MAPK8: variants seen among roughly 807,000 people sequenced by gnomAD.
MAPK8 encodes mitogen-activated protein kinase 8.
MAPK8 carries 13 observed loss-of-function variants against 52.9 expected under a neutral mutation model. The ratio of observed to expected loss-of-function variants is 0.25; its 90% CI spans 0.16 to 0.39. The LOEUF is 0.39. MAPK8 is among the 10% of genes least tolerant of loss of function. The pLI is 1.00. For synonymous variants in MAPK8, 191 were observed against 169.8 expected (o/e 1.12, Z -0.97); for missense variants, 300 against 519.2 (o/e 0.58, Z 4.10).
At chr10:48,324,582 A>G (rs77545620) in intron 1 of MAPK8, among the ~76,000 whole-genome samples, 1,665 of 141,534 alleles carry the variant, frequency 0.012, 25 homozygotes, top group Admixed American at 0.022. Context: ...TGTTTCCCAT[A>G]TTTTGGATTT....
At chr10:48,343,157 T>A (rs918301993) in intron 1 of MAPK8, among the ~76,000 whole-genome samples, 2 of 152,200 alleles carry the variant, frequency 1.3e-5, no homozygotes, top group Admixed American at 6.5e-5. Context: ...CTCACAGTTC[T>A]AGAGGCCAGA....
rs371014814 is a variant in MAPK8, at chr10:48,367,117, C to T, written c.-49-34495C>T. On this transcript the variant is annotated intron_variant, in intron 1 of 11. Coordinates refer to ENST00000374189, the MANE Select transcript of MAPK8 (RefSeq NM_001323329.2). ...TAGAAGTTTCAGCTGGGTGTAGTAG[C>T]GCAGCACTTTGGGAGGCCAAGGCAG... Among the ~76,000 whole-genome samples the T allele has an allele frequency of 9.2e-5, 14 of 152,160 alleles. No homozygotes were observed. In the East Asian group the frequency reaches 1.9e-3, roughly 21 times the overall value.
chr10:48,379,938 TA>T (rs373050540), intron 1 of MAPK8, among the ~76,000 whole-genome samples: 3,321 of 115,856 alleles, frequency 0.029, 106 homozygotes, highest in African/African-American at 0.1. Flanking sequence ...ACAAAGCTCT[TA>T]AAAAAAAAAA....
chr10:48,404,197 A>G (rs568987265), intron 2 of MAPK8, among the ~76,000 whole-genome samples: 5 of 146,988 alleles, frequency 3.4e-5, no homozygotes, highest in African/African-American at 1.3e-4. Flanking sequence ...GAGGGAGTCT[A>G]CCAGGCTGGA....
rs148676477 is a variant in MAPK8 at position 48,401,971 on chromosome 10, A to G, written c.122+189A>G. The stretch of plus-strand genomic sequence containing the variant: ...CAATGGTCTTTTCTTTATTATTATT[A>G]TTAAAGGTTGAGTATCCCTTATCTG... On this transcript the variant is annotated intron_variant, in intron 2 of 11. Transcript: ENST00000374189. Among the ~76,000 whole-genome samples, 1,183 of 152,308 alleles carry G rather than the reference A, an allele frequency of 7.8e-3. 3 individuals are homozygous for G. Among genetic ancestry groups the G allele is most frequent in the Non-Finnish European group, 9.0e-3 (612 of 68,014 alleles).
chr10:48,376,396 A>G (rs2040663766), intron 1 of MAPK8, among the ~76,000 whole-genome samples: 1 of 152,242 alleles, frequency 6.6e-6, no homozygotes, highest in Non-Finnish European at 1.5e-5. Context: ...ATGGTATCTG[A>G]TTAAAGAGTT....
rs146771241 is a variant in MAPK8, at chr10:48,327,156, G to T, written c.-50+20335G>T. On this transcript the variant is annotated intron_variant, in intron 1 of 11. Coordinates refer to ENST00000374189, the MANE Select transcript of MAPK8 (RefSeq NM_001323329.2). ...CATTTTTGCCTTATTCTTGTTCTTG[G>T]GGGGAAAGTAGTTTTTCACCATTAA... 3.3e-5 allele frequency among the ~76,000 whole-genome samples: 5 copies of T among 151,984 alleles called. No homozygotes were observed. The South Asian group carries it at 6.2e-4, about 19-fold the overall frequency.
intron 1 of MAPK8, among the ~76,000 whole-genome samples, chr10:48,375,116 T>C (rs1050274927): frequency 6.6e-6 from 1 of 152,224 alleles, no homozygotes; most frequent in African/African-American, 2.4e-5. Flanking sequence ...TCCATCATTA[T>C]AAACAGAACC....
chr10:48,415,488 A>T (rs2043014848), intron 5 of MAPK8, among the ~76,000 whole-genome samples: 1 of 152,226 alleles, frequency 6.6e-6, no homozygotes, highest in Non-Finnish European at 1.5e-5. Context: ...TAATCGGATT[A>T]GTTCCTTAAT....
At chr10:48,334,968 AG>A (rs1844545587) in intron 1 of MAPK8, among the ~76,000 whole-genome samples, 1 of 152,100 alleles carries the variant, frequency 6.6e-6, no homozygotes, top group African/African-American at 2.4e-5. Flanking sequence ...CCCCCTTATA[AG>A]GTTATACCCC....
intron 1 of MAPK8, among the ~76,000 whole-genome samples, chr10:48,386,444 C>T (rs550113922): frequency 3.3e-4 from 50 of 152,172 alleles, no homozygotes; most frequent in Non-Finnish European, 3.1e-4. Flanking sequence ...AAGTAGATGA[C>T]CTATTTATTC....
At chr10:48,332,895 C>T (rs1844291417) in intron 1 of MAPK8, among the ~76,000 whole-genome samples, 1 of 152,176 alleles carries the variant, frequency 6.6e-6, no homozygotes, top group Non-Finnish European at 1.5e-5. Flanking sequence ...TTTTGGCCTT[C>T]AAGGAGCTTT....
chr10:48,359,343 T>C (rs1163874209), intron 1 of MAPK8, among the ~76,000 whole-genome samples: 1 of 152,188 alleles, frequency 6.6e-6, no homozygotes, highest in Admixed American at 6.5e-5. Flanking sequence ...TAGTTTTCTG[T>C]TTATAATTTG....
intron 2 of MAPK8, among the ~76,000 whole-genome samples, chr10:48,404,370 A>C (rs111286921): frequency 0.044 from 6,652 of 151,360 alleles, 168 homozygotes; most frequent in African/African-American, 0.066. Flanking sequence ...GTTGGCCAGG[A>C]TGGTCTCGAT....
chr10:48,362,538 A>T (rs1832147290), intron 1 of MAPK8, among the ~76,000 whole-genome samples: 1 of 116,884 alleles, frequency 8.6e-6, no homozygotes, highest in Non-Finnish European at 1.6e-5. Flanking sequence ...TTTTCTTTTT[A>T]TTAGCCTCTA....
chr10:48,437,578 C>G lies in MAPK8; in HGVS notation c.*2549C>G, dbSNP rs1421111384. 6.6e-6 allele frequency: 1 copy of G among 152,136 alleles called. No individual in the cohort carries two copies. Among genetic ancestry groups the G allele is most frequent in the East Asian group, 1.9e-4 (1 of 5,194 alleles). The allele number at this position is 152,136 out of a possible 1,614,324, so 9.4% of individuals were successfully genotyped here. On this transcript the variant is annotated 3_prime_UTR_variant, in exon 12 of 12. Transcript: ENST00000374189. ...CTTCCTGGTTACTATTCTCTTCCCT[C>G]TAATATATACTGGCCATTTGTAAAA...
At chr10:48,400,044 T>C (rs2132954508) in intron 1 of MAPK8, among the ~76,000 whole-genome samples, 1 of 152,360 alleles carries the variant, frequency 6.6e-6, no homozygotes, top group South Asian at 2.1e-4. Context: ...TCTTCTTCCT[T>C]ATTTCACTAC....
In MAPK8 at chr10:48,413,857, A is replaced by ATATATATATATATATATG. The variant is rs1439503845; in HGVS notation, c.450+3692_450+3693insATATATATATATATGTAT. On this transcript the variant is annotated intron_variant, in intron 5 of 11. Transcript: ENST00000374189. Reference sequence around the variant, plus strand: ...TATATATATATATATATATATATATATATTCAGAAATATTTTATATTTTTG... The same window carrying ATATATATATATATATATG: ...TATATATATATATATATATATATATATATATATATATATATATGTATTCAGAAATATTTTATATTTTTG... Among the ~76,000 whole-genome samples, 4 of 124,574 alleles carry ATATATATATATATATATG rather than the reference A, an allele frequency of 3.2e-5. 1 individual carries two copies. The highest frequency in any genetic ancestry group is 1.2e-4 in the African/African-American group (4 of 33,734). The allele number at this position is 124,574 out of a possible 152,430, so 81.7% of individuals were successfully genotyped here. A position where few individuals can be genotyped will look rare whatever the true frequency, so the allele number is the denominator to read the frequency against.
Position 48,339,131 on chromosome 10 carries a change from C to T in MAPK8, c.-50+32310C>T, listed in dbSNP as rs78794168. ...TACAATAGAGCCTAAATAGGTAGAG[C>T]GATCTAAGCAAAAGGAACAAAGCCA... On this transcript the variant is annotated intron_variant, in intron 1 of 11. Coordinates refer to ENST00000374189, the MANE Select transcript of MAPK8 (RefSeq NM_001323329.2). 6.6e-4 allele frequency among the ~76,000 whole-genome samples: 100 copies of T among 151,998 alleles called. 1 individual carries two copies. In the East Asian group the frequency reaches 0.017, roughly 26 times the overall value.
Sources: gnomAD v4.1 joint callset for allele counts (sites outside exome capture counted in the v4.1 genomes callset) on GRCh38, gnomAD v4.1.1 for gene constraint, MANE v1.5 for transcripts, NCBI Gene and HGNC (gene_info 2026-07-23, HGNC 2026-07-21) for gene names.